Variants in CLSTN2 observed in about 807,000 individuals in gnomAD.
CLSTN2 encodes calsyntenin-2.
Under a neutral mutation model 101.2 loss-of-function variants are expected in CLSTN2, and 48 were observed. The ratio of observed to expected loss-of-function variants is 0.47; its 90% CI spans 0.38 to 0.60. CLSTN2 has a LOEUF of 0.60. CLSTN2 is among the 20% of genes least tolerant of loss of function. The pLI is 0.00. For missense variants in CLSTN2, 1,160 were observed against 1,238.2 expected, an observed-to-expected ratio of 0.94 and a Z score of 0.95; for synonymous variants, 481 against 463.6, an observed-to-expected ratio of 1.04 and a Z score of -0.48.
chr3:140,343,110 T>G (rs7653676), intron 2 of CLSTN2, among the ~76,000 whole-genome samples: 73,130 of 151,950 alleles, frequency 0.48, 18,489 homozygotes, highest in Non-Finnish European at 0.57. Flanking sequence ...GACTTTATCT[T>G]TCTGTGGAAT....
At chr3:140,171,630 A>G (rs2010215475) in intron 1 of CLSTN2, among the ~76,000 whole-genome samples, 1 of 122,142 alleles carries the variant, frequency 8.2e-6, no homozygotes, top group African/African-American at 3.2e-5. Context: ...TATAATATGT[A>G]TTATATATTA....
chr3:139,990,387 T>C (rs1936095844), intron 1 of CLSTN2, among the ~76,000 whole-genome samples: 1 of 152,170 alleles, frequency 6.6e-6, no homozygotes, highest in South Asian at 2.1e-4. Context: ...AAATCAAATA[T>C]GCAAGAGTGT....
chr3:140,387,106 G>A (rs1346977149), intron 2 of CLSTN2, among the ~76,000 whole-genome samples: 1 of 152,194 alleles, frequency 6.6e-6, no homozygotes, highest in Non-Finnish European at 1.5e-5. Flanking sequence ...AGGAAGTACA[G>A]ATTCTTGCCT....
intron 2 of CLSTN2, among the ~76,000 whole-genome samples, chr3:140,344,945 C>T (rs189928347): frequency 6.6e-6 from 1 of 152,272 alleles, no homozygotes; most frequent in Admixed American, 6.5e-5. Context: ...AGAAATGGGG[C>T]TCTGGCATTT....
At chr3:140,081,491 A>T (rs1339079331) in intron 1 of CLSTN2, among the ~76,000 whole-genome samples, 2 of 152,196 alleles carry the variant, frequency 1.3e-5, no homozygotes, top group Non-Finnish European at 2.9e-5. Flanking sequence ...CTGTGACATG[A>T]GGCGGAGACG....
intron 8 of CLSTN2, among the ~76,000 whole-genome samples, chr3:140,530,605 G>A (rs571229393): frequency 6.6e-6 from 1 of 152,336 alleles, no homozygotes; most frequent in African/African-American, 2.4e-5. Context: ...AATGCCAGAG[G>A]ATTATTCTCC....
chr3:140,038,748 G>C (rs1290218219), intron 1 of CLSTN2, among the ~76,000 whole-genome samples: 1 of 152,022 alleles, frequency 6.6e-6, no homozygotes, highest in Admixed American at 6.6e-5. Flanking sequence ...TCTTGTATTA[G>C]AAAATGTTTT....
intron 13 of CLSTN2, 111 bp downstream of exon 13, chr3:140,562,419 G>A (rs1935935922): frequency 1.9e-6 from 2 of 1,074,330 alleles, no homozygotes; most frequent in Admixed American, 2.6e-5. Flanking sequence ...AAGCCCCAGG[G>A]ACCAGTTGGA....
chr3:140,390,785 AG>A (rs1559856620), intron 2 of CLSTN2, among the ~76,000 whole-genome samples: 1 of 152,198 alleles, frequency 6.6e-6, no homozygotes, highest in Non-Finnish European at 1.5e-5. Flanking sequence ...CAAACATCTG[AG>A]TTATCTCAGG....
chr3:140,459,745 A>G lies in CLSTN2; in HGVS notation c.1198A>G (p.Ile400Val). The G allele has an allele frequency of 1.2e-6, 2 of 1,614,112 alleles. No individual in the cohort carries two copies. Among genetic ancestry groups the G allele is most frequent in the Non-Finnish European group, 1.7e-6 (2 of 1,179,994 alleles). ...SPGVRAEKET[I>V]LCNSDKTEMN... Reference sequence around the variant, plus strand: ...TGGTGTGAGAGCCGAGAAGGAAACCATCCTCTGCAACTCAGACAAAACCGG... The same window carrying G: ...TGGTGTGAGAGCCGAGAAGGAAACCGTCCTCTGCAACTCAGACAAAACCGG... The change falls in exon 7 of 17, where the codon ATC (isoleucine) becomes GTC (valine). Residue 400 changes from isoleucine to valine, a missense_variant. Transcript: ENST00000458420.
intron 2 of CLSTN2, among the ~76,000 whole-genome samples, chr3:140,348,080 C>T (rs373379134): frequency 2.0e-5 from 3 of 152,282 alleles, no homozygotes; most frequent in South Asian, 2.1e-4. Flanking sequence ...GTTAGCTCTA[C>T]CTCCTAGACA....
At chr3:140,498,960 G>GT (rs532312992) in intron 8 of CLSTN2, among the ~76,000 whole-genome samples, 2,451 of 138,786 alleles carry the variant, frequency 0.018, 52 homozygotes, top group African/African-American at 0.05. Context: ...GCACTTGAAT[G>GT]TTTTTTTTTT....
At chr3:140,357,680 C>T (rs914312135) in intron 2 of CLSTN2, among the ~76,000 whole-genome samples, 1 of 152,116 alleles carries the variant, frequency 6.6e-6, no homozygotes, top group Non-Finnish European at 1.5e-5. Context: ...GCAGAGACTC[C>T]ACTATCTGTC....
At chr3:140,524,674 A>G (rs1372708560) in intron 8 of CLSTN2, among the ~76,000 whole-genome samples, 1 of 152,206 alleles carries the variant, frequency 6.6e-6, no homozygotes, top group Non-Finnish European at 1.5e-5. Context: ...GTATTCTAAG[A>G]TCAATCACAT....
chr3:140,320,938 C>A (rs1175039728), intron 2 of CLSTN2, among the ~76,000 whole-genome samples: 1 of 152,166 alleles, frequency 6.6e-6, no homozygotes, highest in Admixed American at 6.5e-5. Context: ...ACAGAGGGGA[C>A]AGCAAATAAG....
At chr3:140,448,272 T>A (rs150442749) in intron 5 of CLSTN2, among the ~76,000 whole-genome samples, 5 of 152,066 alleles carry the variant, frequency 3.3e-5, no homozygotes, top group African/African-American at 1.2e-4. Flanking sequence ...TGCCTGCACA[T>A]GTTTTGTGTA....
chr3:139,968,538 T>A, intron 1 of CLSTN2, among the ~76,000 whole-genome samples: 1 of 152,200 alleles, frequency 6.6e-6, no homozygotes, highest in East Asian at 1.9e-4. Context: ...CCTTTCACCA[T>A]ATGAAGACAG....
intron 1 of CLSTN2, among the ~76,000 whole-genome samples, chr3:140,010,935 G>T (rs2007060400): frequency 6.6e-6 from 1 of 152,198 alleles, no homozygotes; most frequent in Admixed American, 6.5e-5. Context: ...TTGTCTTTGT[G>T]CTTCAGATGC....
intron 9 of CLSTN2, among the ~76,000 whole-genome samples, chr3:140,539,438 G>T (rs140982349): frequency 9.2e-5 from 14 of 152,262 alleles, no homozygotes; most frequent in Admixed American, 1.3e-4. Context: ...AATCATGTCT[G>T]GAAACAGAGT....
Sources: gnomAD v4.1 joint callset for allele counts (sites outside exome capture counted in the v4.1 genomes callset) on GRCh38, gnomAD v4.1.1 for gene constraint, MANE v1.5 for transcripts, NCBI Gene and HGNC (gene_info 2026-07-23, HGNC 2026-07-21) for gene names.